The following SBDS variants were observed in gnomAD, a reference collection of about 807,000 sequenced individuals.
SBDS encodes the protein ribosome maturation protein SBDS.
SBDS carries 20 observed loss-of-function variants against 26.4 expected under a neutral mutation model. That is an observed-to-expected ratio of 0.76 (90% confidence interval 0.53 to 1.10). The LOEUF is 1.10. Among genes scored for constraint, SBDS ranks in the 50% least tolerant of loss-of-function variants. The pLI, the probability that SBDS is intolerant of heterozygous loss-of-function variation, is 0.00. For synonymous variants in SBDS, 95 were observed against 105.1 expected (o/e 0.90, Z 0.59); for missense variants, 241 against 302.0 (o/e 0.80, Z 1.50).
intron 3 of SBDS, among the ~76,000 whole-genome samples, chr7:66,991,524 G>T (rs1348604349): frequency 6.6e-6 from 1 of 152,142 alleles, no homozygotes; most frequent in Non-Finnish European, 1.5e-5. Flanking sequence ...CAGGTGTGGT[G>T]GCTCACGCCT....
intron 1 of SBDS, 156 bp downstream of exon 1, chr7:66,995,134 T>C (rs1793071947): frequency 9.5e-7 from 1 of 1,050,324 alleles, no homozygotes; most frequent in Non-Finnish European, 1.4e-6. Context: ...GGCGCCAAGC[T>C]CGGACAGCGA....
Position 66,995,307 on chromosome 7 carries a change from G to T in SBDS, c.111C>A (p.Val37=). ...CTACTCACACGCCGCTCCGCCAGCC[G>T]ACGACCTTGTTTTTGTAGCAGGCGA... ...FEIACYKNKV[V]GWRSGVEKDL... The change falls in exon 1 of 5, where the codon GTC becomes GTA. Residue 37 remains valine (V), a synonymous_variant. Coordinates refer to ENST00000246868, the MANE Select transcript of SBDS (RefSeq NM_016038.4). 6.2e-7 allele frequency: 1 copy of T among 1,614,008 alleles called. No homozygotes were observed. The highest frequency in any genetic ancestry group is 8.5e-7 in the Non-Finnish European group (1 of 1,180,000).
rs761366712 is a variant in SBDS at position 66,995,309 on chromosome 7, C to T, written c.109G>A (p.Val37Ile). The T allele has an allele frequency of 1.9e-6, 3 of 1,613,902 alleles. No individual in the cohort carries two copies. In the South Asian group the frequency reaches 3.3e-5, roughly 18 times the overall value. The change falls in exon 1 of 5, where the codon GTC (valine) becomes ATC (isoleucine). Residue 37 changes from valine to isoleucine, a missense_variant. Transcript: ENST00000246868. ...ACTCACACGCCGCTCCGCCAGCCGACGACCTTGTTTTTGTAGCAGGCGATT... is the reference window on the plus strand; with the variant it reads ...ACTCACACGCCGCTCCGCCAGCCGATGACCTTGTTTTTGTAGCAGGCGATT... ...FEIACYKNKV[V>I]GWRSGVEKDL...
In SBDS at chr7:66,988,909, T is replaced by C. The variant is rs185975172; in HGVS notation, c.625-410A>G. ...ACCATGTGTATGTTAATTTATTTTT[T>C]TTTGAGATAGAGTGCAGTGGTGTGA... On this transcript the variant is annotated intron_variant, in intron 4 of 4. Coordinates refer to ENST00000246868, the MANE Select transcript of SBDS (RefSeq NM_016038.4). Among the ~76,000 whole-genome samples the C allele has an allele frequency of 7.8e-3, 1,192 of 152,188 alleles. 9 individuals are homozygous for C. The highest frequency in any genetic ancestry group is 0.013 in the Non-Finnish European group (853 of 68,004).
At chr7:66,994,467 G>A (rs1411240411) in intron 1 of SBDS, 126 bp from the exon 2 acceptor site, 4 of 885,460 alleles carry the variant, frequency 4.5e-6, no homozygotes, top group Non-Finnish European at 7.4e-6. Context: ...ATGACCTTTA[G>A]TGTAGAGGGC....
At chr7:66,991,679 A>G (rs1444790428) in intron 3 of SBDS, among the ~76,000 whole-genome samples, 5 of 133,210 alleles carry the variant, frequency 3.8e-5, no homozygotes, top group Admixed American at 1.8e-4. Flanking sequence ...CACGCCTGTA[A>G]TCCCAGCTAC....
chr7:66,994,609 C>G (rs1252050768), intron 1 of SBDS, among the ~76,000 whole-genome samples: 1 of 152,116 alleles, frequency 6.6e-6, no homozygotes, highest in African/African-American at 2.4e-5. Context: ...ATTCTCCCGC[C>G]TCAGCCTCCT....
chr7:66,995,026 A>G (rs1793068207), intron 1 of SBDS: 2 of 555,440 alleles, frequency 3.6e-6, no homozygotes, highest in East Asian at 6.1e-5. Flanking sequence ...CACAATTACG[A>G]GATTTCTTGG....
chr7:66,991,432 C>T (rs918527266), intron 3 of SBDS, 131 bp from the exon 4 acceptor site: 4 of 695,758 alleles, frequency 5.7e-6, no homozygotes, highest in Admixed American at 6.3e-5. Context: ...ACATAAGTGA[C>T]CGTTAAAAAA....
rs574084539 is a variant in SBDS at position 66,994,537 on chromosome 7, C to T, written c.129-196G>A. On this transcript the variant is annotated intron_variant, in intron 1 of 4. Coordinates refer to ENST00000246868, the MANE Select transcript of SBDS (RefSeq NM_016038.4). ...TAGATGGAATTTCACTGTTTTTGCC[C>T]AGGCTGGAGTGCAATGGCGCGATCT... is the stretch of plus-strand genomic sequence containing the variant. Among the ~76,000 whole-genome samples, 4 of 151,528 alleles carry T rather than the reference C, an allele frequency of 2.6e-5. No homozygotes were observed. The East Asian group carries it at 5.9e-4, about 22-fold the overall frequency.
At chr7:66,994,036 A>C (rs965566395) in intron 2 of SBDS, among the ~76,000 whole-genome samples, 176 bp downstream of exon 2, 58 of 151,264 alleles carry the variant, frequency 3.8e-4, no homozygotes, top group Non-Finnish European at 7.7e-4. Flanking sequence ...AAAAAAAAAA[A>C]AACCACAAAA....
intron 3 of SBDS, among the ~76,000 whole-genome samples, chr7:66,992,626 A>G (rs1187690462): frequency 6.6e-6 from 1 of 151,786 alleles, no homozygotes; most frequent in Non-Finnish European, 1.5e-5. Context: ...TATCTTTACA[A>G]CCCCGTCCTT....
At chr7:66,991,864 C>G (rs1025347508) in intron 3 of SBDS, among the ~76,000 whole-genome samples, 1 of 152,034 alleles carries the variant, frequency 6.6e-6, no homozygotes, top group Non-Finnish European at 1.5e-5. Context: ...AAATCAAAAC[C>G]ACGACAAGAT....
chr7:66,989,317 G>A lies in SBDS; in HGVS notation c.625-818C>T, dbSNP rs113545206. Among the ~76,000 whole-genome samples the A allele has an allele frequency of 1.1e-4, 16 of 151,850 alleles. No homozygotes were observed. The East Asian group carries it at 1.2e-3, about 11-fold the overall frequency. On this transcript the variant is annotated intron_variant, in intron 4 of 4. Transcript: ENST00000246868. ...TCCCAGCACTTTGGGAGGCCGAGGC[G>A]GGTGGATCACCTGAGGTCGGGAGTT...
Position 66,995,568 on chromosome 7 carries a change from C to A in SBDS, c.-151G>T, listed in dbSNP as rs988703244. 5 of 1,108,178 alleles carry A rather than the reference C, an allele frequency of 4.5e-6. No individual in the cohort carries two copies. The African/African-American group carries it at 6.2e-5, about 14-fold the overall frequency. The allele number at this position is 1,108,178 out of a possible 1,614,324, so 68.6% of individuals were successfully genotyped here. On this transcript the variant is annotated 5_prime_UTR_variant, in exon 1 of 5. Transcript: ENST00000246868. The stretch of plus-strand genomic sequence containing the variant: ...GGCGCCGCGACTCACTAGCTTCAGG[C>A]AGCCGTCACAGTGTGTCTGGCAGGC...
At chr7:66,995,177 C>T (rs1793074211) in intron 1 of SBDS, 113 bp downstream of exon 1, 1 of 1,467,430 alleles carries the variant, frequency 6.8e-7, no homozygotes, top group Non-Finnish European at 9.5e-7. Context: ...TGTTCCATTT[C>T]CTCCCCGGCC....
Position 66,995,495 on chromosome 7 carries a change from G to A in SBDS, c.-78C>T. On this transcript the variant is annotated 5_prime_UTR_variant, in exon 1 of 5. Coordinates refer to ENST00000246868, the MANE Select transcript of SBDS (RefSeq NM_016038.4). ...CCAGCCTGAAGGCCACCAGCGCCTCGCGGTAACGACCGATCGGCGCGCGGC... is the reference window on the plus strand; with the variant it reads ...CCAGCCTGAAGGCCACCAGCGCCTCACGGTAACGACCGATCGGCGCGCGGC... 2 of 1,605,998 alleles carry A rather than the reference G, an allele frequency of 1.2e-6. No individual in the cohort carries two copies. Among genetic ancestry groups the A allele is most frequent in the Middle Eastern group, 2.2e-4 (1 of 4,452 alleles).
chr7:66,992,487 A>T (rs899759684), intron 3 of SBDS, among the ~76,000 whole-genome samples: 3 of 152,222 alleles, frequency 2.0e-5, no homozygotes, highest in Non-Finnish European at 4.4e-5. Flanking sequence ...TATATAAATT[A>T]AAAAATTCAA....
Position 66,995,517 on chromosome 7 carries a change from C to G in SBDS, c.-100G>C. On this transcript the variant is annotated 5_prime_UTR_variant, in exon 1 of 5. Transcript: ENST00000246868. ...CTCGCGGTAACGACCGATCGGCGCG[C>G]GGCACTGACCCAACCACCAGTGCGC... is the stretch of plus-strand genomic sequence containing the variant. 6.4e-7 allele frequency: 1 copy of G among 1,564,468 alleles called. No individual in the cohort carries two copies. The highest frequency in any genetic ancestry group is 8.7e-7 in the Non-Finnish European group (1 of 1,143,628).
Sources: allele counts gnomAD v4.1 joint callset (sites outside exome capture counted in the v4.1 genomes callset), GRCh38; gene constraint gnomAD v4.1.1; transcripts MANE v1.5; gene names NCBI Gene and HGNC (gene_info 2026-07-23, HGNC 2026-07-21).